The following PPFIBP1 variants were observed in gnomAD, a reference collection of about 807,000 sequenced individuals.
PPFIBP1 encodes the protein liprin-beta-1.
A neutral mutation model predicts 137.8 loss-of-function variants in PPFIBP1; 112 were observed. The ratio of observed to expected loss-of-function variants is 0.81; its 90% CI spans 0.70 to 0.95. The LOEUF is 0.95. Among genes scored for constraint, PPFIBP1 ranks in the 40% least tolerant of loss-of-function variants. The pLI, the probability that PPFIBP1 is intolerant of heterozygous loss-of-function variation, is 0.00. For missense variants in PPFIBP1, 1,083 were observed against 1,196.6 expected, an observed-to-expected ratio of 0.91 and a Z score of 1.40; for synonymous variants, 378 against 417.3, an observed-to-expected ratio of 0.91 and a Z score of 1.15.
At chr12:27,663,308 G>A (rs148457084) in intron 11 of PPFIBP1, among the ~76,000 whole-genome samples, 314 of 152,254 alleles carry the variant, frequency 2.1e-3, no homozygotes, top group African/African-American at 7.3e-3. Context: ...AATGGGAGGC[G>A]CTAGGGAGGC....
At chr12:27,663,827 G>A (rs962802048) in intron 11 of PPFIBP1, among the ~76,000 whole-genome samples, 3 of 148,868 alleles carry the variant, frequency 2.0e-5, no homozygotes, top group African/African-American at 5.0e-5. Context: ...GTGACAGAGC[G>A]AGACCCTGTC....
At chr12:27,531,506 G>A (rs185368014) in intron 1 of PPFIBP1, among the ~76,000 whole-genome samples, 44 of 149,106 alleles carry the variant, frequency 3.0e-4, no homozygotes, top group Non-Finnish European at 5.0e-4. Flanking sequence ...TTTCACCATC[G>A]TGGCCAGGCT....
At chr12:27,560,274 C>T (rs2049050436) in intron 1 of PPFIBP1, among the ~76,000 whole-genome samples, 1 of 152,010 alleles carries the variant, frequency 6.6e-6, no homozygotes, top group Non-Finnish European at 1.5e-5. Flanking sequence ...CATGGATTTG[C>T]CTGAGGAAAG....
rs193142041 is a variant in PPFIBP1, at chr12:27,589,277, T to C, written c.-36+11038T>C. On this transcript the variant is annotated intron_variant, in intron 2 of 29. Transcript: ENST00000228425. ...TCTATAACTTGCTTCATTTTTCTTT[T>C]GTTTTGTAAGAGGATTTTAGACTCT... Among the ~76,000 whole-genome samples, 24 of 152,318 alleles carry C rather than the reference T, an allele frequency of 1.6e-4. No individual in the cohort carries two copies. The East Asian group carries it at 4.2e-3, about 27-fold the overall frequency.
At chr12:27,529,965 T>C (rs1331300593) in intron 1 of PPFIBP1, among the ~76,000 whole-genome samples, 3 of 152,200 alleles carry the variant, frequency 2.0e-5, no homozygotes, top group Non-Finnish European at 2.9e-5. Context: ...TCTTCATCCA[T>C]AGTACTCTAC....
At chr12:27,617,587 A>G (rs1592889838) in intron 2 of PPFIBP1, among the ~76,000 whole-genome samples, 2 of 152,202 alleles carry the variant, frequency 1.3e-5, no homozygotes, top group African/African-American at 4.8e-5. Context: ...ATGATGTAGT[A>G]TTTGCCTATA....
At chr12:27,606,779 C>T (rs929501286) in intron 2 of PPFIBP1, among the ~76,000 whole-genome samples, 15 of 152,188 alleles carry the variant, frequency 9.9e-5, no homozygotes, top group African/African-American at 3.4e-4. Flanking sequence ...CTTCATAACC[C>T]GCAGCATACA....
chr12:27,611,501 TAAGGTC>T (rs2055107842), intron 2 of PPFIBP1, among the ~76,000 whole-genome samples: 1 of 152,220 alleles, frequency 6.6e-6, no homozygotes, highest in Admixed American at 6.5e-5. Flanking sequence ...TATATCCAAA[TAAGGTC>T]ACATGCTGAG....
At chr12:27,685,105 C>T (rs532616157) in intron 24 of PPFIBP1, among the ~76,000 whole-genome samples, 7 of 152,040 alleles carry the variant, frequency 4.6e-5, no homozygotes, top group African/African-American at 7.2e-5. Flanking sequence ...TTCACATACG[C>T]TGCTTGTGAT....
At chr12:27,605,659 G>T (rs1052722676) in intron 2 of PPFIBP1, among the ~76,000 whole-genome samples, 1 of 151,918 alleles carries the variant, frequency 6.6e-6, no homozygotes, top group African/African-American at 2.4e-5. Flanking sequence ...ATTTTGTGCT[G>T]GCCACATTTC....
At chr12:27,620,226 G>A (rs2056204223) in intron 2 of PPFIBP1, among the ~76,000 whole-genome samples, 1 of 152,060 alleles carries the variant, frequency 6.6e-6, no homozygotes, top group Non-Finnish European at 1.5e-5. Context: ...CCCTCCAGTG[G>A]CCTTCCATCT....
chr12:27,620,928 G>A (rs11049070), intron 2 of PPFIBP1, among the ~76,000 whole-genome samples: 48,115 of 152,024 alleles, frequency 0.32, 8,252 homozygotes, highest in Middle Eastern at 0.41. Context: ...TACAATGTAT[G>A]CGCCATCAGA....
intron 2 of PPFIBP1, among the ~76,000 whole-genome samples, chr12:27,624,401 T>A (rs1018572218): frequency 3.9e-5 from 6 of 152,230 alleles, no homozygotes; most frequent in African/African-American, 1.4e-4. Context: ...GATCTTCAAA[T>A]CTACTGACAT....
At chr12:27,650,189 G>A in intron 7 of PPFIBP1, 48 bp downstream of exon 7, 4 of 1,490,342 alleles carry the variant, frequency 2.7e-6, no homozygotes, top group Non-Finnish European at 1.8e-6. Flanking sequence ...CTGTCACTCT[G>A]TCTTTGTCTC....
At chr12:27,678,798 A>G (rs1354276005) in intron 19 of PPFIBP1, among the ~76,000 whole-genome samples, 3 of 144,372 alleles carry the variant, frequency 2.1e-5, no homozygotes, top group Non-Finnish European at 4.5e-5. Context: ...CGGAGGTTGC[A>G]GTAAGCCGAG....
At chr12:27,662,381 A>G (rs11049085) in intron 11 of PPFIBP1, among the ~76,000 whole-genome samples, 25,131 of 152,132 alleles carry the variant, frequency 0.17, 2,524 homozygotes, top group Non-Finnish European at 0.23. Flanking sequence ...TAGCTTGTAA[A>G]CCTTAGGCAG....
At position 27,656,709 on chromosome 12, in the gene PPFIBP1, G is replaced by A. The variant is rs767442916; in HGVS notation, c.790G>A (p.Gly264Arg). 2 of 1,607,466 alleles carry A rather than the reference G, an allele frequency of 1.2e-6. No individual in the cohort carries two copies. Among genetic ancestry groups the A allele is most frequent in the East Asian group, 2.2e-5 (1 of 44,762 alleles). The change falls in exon 9 of 30, where the codon GGG (glycine) becomes AGG (arginine). Residue 264 changes from glycine (G) to arginine (R), a missense_variant. Physicochemically the swap from Gly to Arg is moderately radical, Grantham distance 125 (BLOSUM62 -2). Transcript: ENST00000228425. ...ATTGGTTTGCAAGATGAAAGGAGAA[G>A]GGGTTGAAATTGTTGATAGAGGTAA... is the stretch of plus-strand genomic sequence containing the variant. ...EKLVCKMKGEGVEIVDRDENF... is the reference protein window; with the variant it reads ...EKLVCKMKGERVEIVDRDENF...
intron 2 of PPFIBP1, among the ~76,000 whole-genome samples, chr12:27,632,932 C>T (rs1457960297): frequency 1.3e-5 from 2 of 151,938 alleles, no homozygotes; most frequent in African/African-American, 4.8e-5. Flanking sequence ...AATCTTAAGC[C>T]CTTGTACAGA....
intron 1 of PPFIBP1, among the ~76,000 whole-genome samples, chr12:27,525,461 C>G (rs186919880): frequency 1.3e-5 from 2 of 148,358 alleles, no homozygotes; most frequent in Admixed American, 6.8e-5. Flanking sequence ...CTCCATACAC[C>G]GATTCAGGAC....
Sources: gnomAD v4.1 joint callset for allele counts (sites outside exome capture counted in the v4.1 genomes callset) on GRCh38, gnomAD v4.1.1 for gene constraint, MANE v1.5 for transcripts, NCBI Gene and HGNC (gene_info 2026-07-23, HGNC 2026-07-21) for gene names.